The following ARHGEF38 variants were observed in gnomAD, a reference collection of about 807,000 sequenced individuals.
ARHGEF38 encodes the protein Rho guanine nucleotide exchange factor (GEF) 38.
A neutral mutation model predicts 79.9 loss-of-function variants in ARHGEF38; 79 were observed. The ratio of observed to expected loss-of-function variants is 0.99; its 90% confidence interval spans 0.82 to 1.19. The LOEUF (loss-of-function observed/expected upper bound fraction) is 1.19, where lower values mean the gene tolerates loss of function less well. ARHGEF38 is among the 50% of genes most tolerant of loss of function. The pLI, the probability that ARHGEF38 is intolerant of heterozygous loss-of-function variation, is 0.00. For synonymous variants in ARHGEF38, 366 were observed against 328.3 expected, an observed-to-expected ratio of 1.11 and a Z score of -1.24; for missense variants, 962 against 907.2, an observed-to-expected ratio of 1.06 and a Z score of -0.78.
At chr4:105,613,744 C>G (rs1034874429) in intron 3 of ARHGEF38, among the ~76,000 whole-genome samples, 2 of 151,948 alleles carry the variant, frequency 1.3e-5, no homozygotes, top group Admixed American at 6.6e-5. Context: ...TTTTTAATTT[C>G]CAATCTTTCA....
chr4:105,570,112 T>C (rs1165701517), intron 1 of ARHGEF38: 2 of 152,234 alleles, frequency 1.3e-5, no homozygotes, highest in Non-Finnish European at 2.9e-5. Context: ...CCAGCTCTTC[T>C]GCATATTCTA....
intron 5 of ARHGEF38, among the ~76,000 whole-genome samples, chr4:105,641,812 A>G (rs1453378704): frequency 6.6e-6 from 1 of 151,916 alleles, no homozygotes; most frequent in East Asian, 1.9e-4. Context: ...TTGATATGAA[A>G]CTCTGCAGCA....
At chr4:105,666,470 A>G in intron 11 of ARHGEF38, 150 bp downstream of exon 11, 4 of 985,944 alleles carry the variant, frequency 4.1e-6, no homozygotes, top group Non-Finnish European at 4.1e-6. Context: ...TCTATCCTAT[A>G]TACCATAAGC....
intron 10 of ARHGEF38, among the ~76,000 whole-genome samples, chr4:105,664,457 G>A (rs558738446): frequency 1.3e-3 from 201 of 152,132 alleles, no homozygotes; most frequent in Non-Finnish European, 2.5e-3. Flanking sequence ...ATTCCACTAC[G>A]AAAAATGAGG....
chr4:105,633,590 GT>G (rs1281907117), intron 4 of ARHGEF38, among the ~76,000 whole-genome samples: 2 of 152,134 alleles, frequency 1.3e-5, no homozygotes, highest in African/African-American at 4.8e-5. Flanking sequence ...GGAAATCTTT[GT>G]TCGAAGCAAT....
At chr4:105,596,460 C>T (rs1322452963) in intron 2 of ARHGEF38, among the ~76,000 whole-genome samples, 2 of 152,036 alleles carry the variant, frequency 1.3e-5, no homozygotes, top group African/African-American at 2.4e-5. Flanking sequence ...TCCCTGAGAA[C>T]ACAGTATAGA....
chr4:105,630,893 A>G lies in ARHGEF38; in HGVS notation c.509-5A>G. On this transcript the variant is annotated splice_polypyrimidine_tract_variant and splice_region_variant and intron_variant, in intron 3 of 13. Coordinates refer to ENST00000420470, the MANE Select transcript of ARHGEF38 (RefSeq NM_001242729.2). ...GTCATTTTGCCTTTGTTTTGCATTTATCAGGAGAAGTATTCTTGCAGATTA... is the reference window on the plus strand; with the variant it reads ...GTCATTTTGCCTTTGTTTTGCATTTGTCAGGAGAAGTATTCTTGCAGATTA... The G allele has an allele frequency of 6.2e-7, 1 of 1,602,976 alleles. No individual in the cohort carries two copies. The highest frequency in any genetic ancestry group is 8.5e-7 in the Non-Finnish European group (1 of 1,176,508).
intron 3 of ARHGEF38, among the ~76,000 whole-genome samples, chr4:105,614,595 T>C (rs576485368): frequency 1.3e-5 from 2 of 152,284 alleles, no homozygotes; most frequent in African/African-American, 4.8e-5. Context: ...GACTGGGTAA[T>C]AAGGCCAGCC....
At chr4:105,607,937 C>A (rs1160577197) in intron 2 of ARHGEF38, among the ~76,000 whole-genome samples, 1 of 151,888 alleles carries the variant, frequency 6.6e-6, no homozygotes, top group African/African-American at 2.4e-5. Context: ...TAGAAACTTA[C>A]ATACTATTTT....
At chr4:105,654,794 C>G (rs1730255148) in intron 8 of ARHGEF38, among the ~76,000 whole-genome samples, 1 of 152,178 alleles carries the variant, frequency 6.6e-6, no homozygotes, top group Non-Finnish European at 1.5e-5. Flanking sequence ...GAAACAGTGT[C>G]CTTCATGCCA....
chr4:105,632,156 T>G (rs567122996), intron 4 of ARHGEF38, among the ~76,000 whole-genome samples: 1 of 152,296 alleles, frequency 6.6e-6, no homozygotes, highest in South Asian at 2.1e-4. Context: ...GAGTTTAAAA[T>G]GAGCCCAGTG....
chr4:105,666,345 A>G lies in ARHGEF38; in HGVS notation c.1689+25A>G, dbSNP rs963742636. ...GGTGAGTTTGGCAGCATTCATGACA[A>G]TGATAACTTTCACCTCTTTGCCTTA... On this transcript the variant is annotated intron_variant, in intron 11 of 13. Transcript: ENST00000420470. 8 of 1,501,014 alleles carry G rather than the reference A, an allele frequency of 5.3e-6. No individual in the cohort carries two copies. In the African/African-American group the frequency reaches 9.8e-5, roughly 18 times the overall value. The allele number at this position is 1,501,014 out of a possible 1,614,324, so 93.0% of individuals were successfully genotyped here. A position where few individuals can be genotyped will look rare whatever the true frequency, so the allele number is the denominator to read the frequency against.
chr4:105,646,196 A>G (rs1413780649), intron 6 of ARHGEF38, among the ~76,000 whole-genome samples: 2 of 152,192 alleles, frequency 1.3e-5, no homozygotes, highest in Non-Finnish European at 2.9e-5. Context: ...TTCAAAAGTC[A>G]TATATTTGTA....
chr4:105,603,488 T>A (rs1181886902), intron 2 of ARHGEF38, among the ~76,000 whole-genome samples: 1 of 152,140 alleles, frequency 6.6e-6, no homozygotes, highest in Non-Finnish European at 1.5e-5. Flanking sequence ...GTGGCACTCT[T>A]ACAGGTACTT....
At chr4:105,659,014 G>T in intron 9 of ARHGEF38, 40 bp from the exon 10 acceptor site, 1 of 1,492,208 alleles carries the variant, frequency 6.7e-7, no homozygotes, top group Non-Finnish European at 8.9e-7. Flanking sequence ...GGTATGGGCT[G>T]ATCCTCTCTC....
At chr4:105,600,683 C>T (rs1413014620) in intron 2 of ARHGEF38, among the ~76,000 whole-genome samples, 5 of 152,164 alleles carry the variant, frequency 3.3e-5, no homozygotes, top group African/African-American at 1.2e-4. Context: ...ACTCAAATCT[C>T]TACTTAATTG....
intron 1 of ARHGEF38, among the ~76,000 whole-genome samples, chr4:105,553,658 G>T (rs1417810859): frequency 6.6e-6 from 1 of 152,056 alleles, no homozygotes; most frequent in Non-Finnish European, 1.5e-5. Context: ...TTTGTTTCAG[G>T]GCCTTAATCT....
chr4:105,621,158 T>C (rs1728721399), intron 3 of ARHGEF38, among the ~76,000 whole-genome samples: 1 of 152,188 alleles, frequency 6.6e-6, no homozygotes, highest in Non-Finnish European at 1.5e-5. Context: ...CTTGGATGAC[T>C]CAGCCTGAGT....
At chr4:105,632,250 T>C (rs1560734866) in intron 4 of ARHGEF38, among the ~76,000 whole-genome samples, 1 of 152,188 alleles carries the variant, frequency 6.6e-6, no homozygotes, top group African/African-American at 2.4e-5. Context: ...CCATTCTTCA[T>C]GCTATGGAAA....
Sources: gnomAD v4.1 joint callset for allele counts (sites outside exome capture counted in the v4.1 genomes callset) on GRCh38, gnomAD v4.1.1 for gene constraint, MANE v1.5 for transcripts, NCBI Gene and HGNC (gene_info 2026-07-23, HGNC 2026-07-21) for gene names.